Variants in ZNF92 observed in about 807,000 individuals in gnomAD.
ZNF92 encodes zinc finger protein 92.
Under a neutral mutation model 12.4 loss-of-function variants are expected in ZNF92, and 11 were observed. That is an observed-to-expected ratio of 0.89 (90% confidence interval 0.56 to 1.47). ZNF92 has a LOEUF of 1.47. Ranked by LOEUF, ZNF92 falls within the 40% of genes most tolerant of loss-of-function variation. The pLI, the probability that ZNF92 is intolerant of heterozygous loss-of-function variation, is 0.00. For missense variants in ZNF92, 622 were observed against 681.0 expected (o/e 0.91, Z 0.96); for synonymous variants, 206 against 228.6 (o/e 0.90, Z 0.89).
chr7:65,399,610 A>G lies in ZNF92; in HGVS notation c.1496A>G (p.His499Arg), dbSNP rs372361867. 6.8e-6 allele frequency: 11 copies of G among 1,613,792 alleles called. No homozygotes were observed. Among genetic ancestry groups the G allele is most frequent in the Non-Finnish European group, 9.3e-6 (11 of 1,179,800 alleles). Residue 499 changes from histidine to arginine, a missense_variant, in exon 4 of 4, where the codon CAT becomes CGT. Transcript: ENST00000328747. ...AFNQSSIFTK[H>R]KIIHTEGKSY... The stretch of plus-strand genomic sequence containing the variant: ...AACCAGTCCTCAATTTTTACTAAAC[A>G]TAAGATAATTCACACTGAAGGGAAA...
chr7:65,375,800 A>G (rs1793221957), intron 1 of ZNF92, among the ~76,000 whole-genome samples: 1 of 151,748 alleles, frequency 6.6e-6, no homozygotes, highest in African/African-American at 2.4e-5. Context: ...GTGAGCCAAG[A>G]TCATGCCACT....
chr7:65,385,639 A>G (rs1348807429), intron 1 of ZNF92, among the ~76,000 whole-genome samples: 1 of 151,582 alleles, frequency 6.6e-6, no homozygotes, highest in Non-Finnish European at 1.5e-5. Context: ...TCCATAGAGC[A>G]GCTTATTTTT....
At chr7:65,397,852 C>T (rs1193508540) in intron 3 of ZNF92, among the ~76,000 whole-genome samples, 1 of 152,158 alleles carries the variant, frequency 6.6e-6, no homozygotes, top group Non-Finnish European at 1.5e-5. Context: ...TACCTTTGGT[C>T]TCAGCAGACA....
At chr7:65,393,908 A>G (rs1272286597) in intron 3 of ZNF92, among the ~76,000 whole-genome samples, 1 of 152,010 alleles carries the variant, frequency 6.6e-6, no homozygotes, top group African/African-American at 2.4e-5. Flanking sequence ...TCTGTTCTTC[A>G]TATCTTCATT....
Position 65,400,494 on chromosome 7 carries a change from T to C in ZNF92, c.*619T>C, listed in dbSNP as rs1209798749. 3 of 152,020 alleles carry C rather than the reference T, an allele frequency of 2.0e-5. No individual in the cohort carries two copies. Among genetic ancestry groups the C allele is most frequent in the East Asian group, 1.9e-4 (1 of 5,200 alleles). The allele number at this position is 152,020 out of a possible 1,614,324, so 9.4% of individuals were successfully genotyped here. ...GCAGATGCAGTAAATATGAAAAATA[T>C]TTAATCCCAAATTAAGTCTATGTAA... is the stretch of plus-strand genomic sequence containing the variant. On this transcript the variant is annotated 3_prime_UTR_variant, in exon 4 of 4. Transcript: ENST00000328747.
chr7:65,396,377 A>C (rs1793847110), intron 3 of ZNF92, among the ~76,000 whole-genome samples: 1 of 152,042 alleles, frequency 6.6e-6, no homozygotes, highest in South Asian at 2.1e-4. Flanking sequence ...AGTTTCTATA[A>C]ATATTATCTT....
Position 65,392,307 on chromosome 7 carries a change from G to A in ZNF92, c.226+3406G>A, listed in dbSNP as rs147498169. 8.2e-4 allele frequency among the ~76,000 whole-genome samples: 124 copies of A among 150,956 alleles called. 2 individuals carry two copies. The highest frequency in any genetic ancestry group is 2.9e-3 in the African/African-American group (119 of 41,202). On this transcript the variant is annotated intron_variant, in intron 3 of 3. Coordinates refer to ENST00000328747, the MANE Select transcript of ZNF92 (RefSeq NM_152626.4). ...GATAAATATTGTATAATTTCCTTTGGGTAAGAGAAACATTTTTGTAATTTG... is the reference window on the plus strand; with the variant it reads ...GATAAATATTGTATAATTTCCTTTGAGTAAGAGAAACATTTTTGTAATTTG...
Position 65,373,901 on chromosome 7 carries a change from C to T in ZNF92, c.-97C>T. The T allele has an allele frequency of 3.2e-6, 5 of 1,542,746 alleles. No homozygotes were observed. Among genetic ancestry groups the T allele is most frequent in the Non-Finnish European group, 4.5e-6 (5 of 1,115,500 alleles). On this transcript the variant is annotated 5_prime_UTR_variant, in exon 1 of 4. Coordinates refer to ENST00000328747, the MANE Select transcript of ZNF92 (RefSeq NM_152626.4). ...TCCACGTCTAGTCTTCACTGCTCTG[C>T]GTCCTGTGCTGATAAAGGCTCGCCG... is the stretch of plus-strand genomic sequence containing the variant.
chr7:65,395,626 A>C (rs967635708), intron 3 of ZNF92, among the ~76,000 whole-genome samples: 24 of 152,142 alleles, frequency 1.6e-4, no homozygotes, highest in African/African-American at 5.8e-4. Flanking sequence ...TGGTAATCAA[A>C]AAGTTTACAC....
At position 65,399,132 on chromosome 7, in the gene ZNF92, C is replaced by A; in HGVS notation, c.1018C>A (p.Pro340Thr). Residue 340 changes from proline to threonine, a missense_variant, in exon 4 of 4, where the codon CCA becomes ACA. Transcript: ENST00000328747. The stretch of plus-strand genomic sequence containing the variant: ...TAAGATAATCCATACTGGGGAAAAA[C>A]CATACAAATGTGAAGAATGTGGCAA... ...KHKIIHTGEK[P>T]YKCEECGKAF... The A allele has an allele frequency of 6.2e-7, 1 of 1,612,654 alleles. No homozygotes were observed. The highest frequency in any genetic ancestry group is 8.5e-7 in the Non-Finnish European group (1 of 1,179,430).
In ZNF92 at chr7:65,374,012, G is replaced by T. The variant is rs190169147; in HGVS notation, c.3+12G>T. On this transcript the variant is annotated intron_variant, in intron 1 of 3. Transcript: ENST00000328747. The stretch of plus-strand genomic sequence containing the variant: ...GAAGCCTAGAAATGGTGAGCCTGCT[G>T]GGTCCCACATCCCGAGAGAGGGGGA... The T allele has an allele frequency of 2.8e-3, 4,465 of 1,614,118 alleles. 27 individuals carry two copies. Among genetic ancestry groups the T allele is most frequent in the Non-Finnish European group, 3.4e-3 (4,062 of 1,180,002 alleles).
At chr7:65,390,123 G>A (rs978012289) in intron 3 of ZNF92, among the ~76,000 whole-genome samples, 5 of 152,046 alleles carry the variant, frequency 3.3e-5, no homozygotes, top group Non-Finnish European at 7.4e-5. Context: ...CTTATTTTAA[G>A]TGTATGGAAC....
At position 65,401,133 on chromosome 7, in the gene ZNF92, C is replaced by T. The variant is rs892641454; in HGVS notation, c.*1258C>T. 1.3e-5 allele frequency: 2 copies of T among 151,856 alleles called. No homozygotes were observed. Among genetic ancestry groups the T allele is most frequent in the African/African-American group, 4.8e-5 (2 of 41,376 alleles). 9.4% of individuals were successfully genotyped at this position (151,856 alleles called of 1,614,324 possible). A position where few individuals can be genotyped will look rare whatever the true frequency, so the allele number is the denominator to read the frequency against. On this transcript the variant is annotated 3_prime_UTR_variant, in exon 4 of 4. Coordinates refer to ENST00000328747, the MANE Select transcript of ZNF92 (RefSeq NM_152626.4). ...GTAATTAAACATTTTTTTTAGCATG[C>T]TAAGACTAGTGTATTCGATGAAGTG...
chr7:65,377,396 A>C (rs186734508), intron 1 of ZNF92, among the ~76,000 whole-genome samples: 1 of 152,154 alleles, frequency 6.6e-6, no homozygotes, highest in Non-Finnish European at 1.5e-5. Flanking sequence ...GAGAGAAGCT[A>C]CAGAGCCCTG....
intron 3 of ZNF92, among the ~76,000 whole-genome samples, chr7:65,397,237 T>C (rs1016091484): frequency 1.3e-4 from 20 of 152,078 alleles, no homozygotes; most frequent in Admixed American, 1.3e-3. Context: ...CAAGACTCTC[T>C]TCTTGTCTGT....
chr7:65,387,930 T>C lies in ZNF92; in HGVS notation c.32T>C (p.Ile11Thr), dbSNP rs763923165. 1.9e-6 allele frequency: 3 copies of C among 1,607,352 alleles called. No individual in the cohort carries two copies. The highest frequency in any genetic ancestry group is 2.5e-6 in the Non-Finnish European group (3 of 1,177,062). ...CCACTGACATTTAGGGATGTGAAAATAGAATTCTCTCTAGAGGAATGGCAA... is the reference window on the plus strand; with the variant it reads ...CCACTGACATTTAGGGATGTGAAAACAGAATTCTCTCTAGAGGAATGGCAA... MGPLTFRDVK[I>T]EFSLEEWQCL... Residue 11 changes from isoleucine (I) to threonine (T), a missense_variant, in exon 2 of 4, where the codon ATA (isoleucine) becomes ACA (threonine). By Grantham distance (89) the Ile-to-Thr change is moderately conservative. Transcript: ENST00000328747.
intron 1 of ZNF92, among the ~76,000 whole-genome samples, chr7:65,375,175 T>C (rs1395750223): frequency 6.6e-6 from 1 of 152,098 alleles, no homozygotes; most frequent in Non-Finnish European, 1.5e-5. Context: ...AGAGATCTTA[T>C]CAGAATGTTT....
intron 1 of ZNF92, among the ~76,000 whole-genome samples, chr7:65,380,312 G>A (rs913307472): frequency 2.6e-5 from 4 of 152,146 alleles, no homozygotes; most frequent in Admixed American, 1.3e-4. Flanking sequence ...CCAGGCTGGA[G>A]TGCAGTGGTG....
In ZNF92 at chr7:65,399,820, G is replaced by A. The variant is rs752535934; in HGVS notation, c.1706G>A (p.Cys569Tyr). The A allele has an allele frequency of 1.2e-6, 2 of 1,608,890 alleles. No homozygotes were observed. Among genetic ancestry groups the A allele is most frequent in the East Asian group, 2.2e-5 (1 of 44,756 alleles). The change falls in exon 4 of 4, where the codon TGT (cysteine) becomes TAT (tyrosine). Residue 569 changes from cysteine (C) to tyrosine (Y), a missense_variant. Cys to Tyr is a radical substitution (Grantham distance 194). Coordinates refer to ENST00000328747, the MANE Select transcript of ZNF92 (RefSeq NM_152626.4). ...GGAGAGAAACCCTGCAAACATGAAT[G>A]TGGCAGAGCCTTTAACAAATCCTCA... ...YTGEKPCKHE[C>Y]GRAFNKSSNY...
Sources: gnomAD v4.1 joint callset for allele counts (sites outside exome capture counted in the v4.1 genomes callset) on GRCh38, gnomAD v4.1.1 for gene constraint, MANE v1.5 for transcripts, NCBI Gene and HGNC (gene_info 2026-07-23, HGNC 2026-07-21) for gene names.